Variants in BRD3 observed in about 807,000 individuals in gnomAD.
The protein encoded by BRD3 is bromodomain-containing protein 3.
A neutral mutation model predicts 66.8 loss-of-function variants in BRD3; 17 were observed. That is an observed-to-expected ratio of 0.25 (90% CI 0.17 to 0.38). The LOEUF is 0.38. Among genes scored for constraint, BRD3 ranks in the 10% least tolerant of loss-of-function variants. The pLI, the probability that BRD3 is intolerant of heterozygous loss-of-function variation, is 1.00. For synonymous variants in BRD3, 421 were observed against 393.2 expected (o/e 1.07, Z -0.84); for missense variants, 713 against 956.1 (o/e 0.75, Z 3.35).
At chr9:134,035,887 G>T in intron 10 of BRD3, 145 bp downstream of exon 10, 1 of 1,152,390 alleles carries the variant, frequency 8.7e-7, no homozygotes. Context: ...TATCCTCAGG[G>T]CATCTGTGGT....
chr9:134,061,528 G>C (rs1269012322), intron 1 of BRD3, among the ~76,000 whole-genome samples: 2 of 152,180 alleles, frequency 1.3e-5, no homozygotes, highest in Non-Finnish European at 2.9e-5. Flanking sequence ...AGGAAGCTAG[G>C]GGAGGCCTTT....
chr9:134,062,561 C>A (rs1390130698), intron 1 of BRD3, among the ~76,000 whole-genome samples: 1 of 152,184 alleles, frequency 6.6e-6, no homozygotes, highest in South Asian at 2.1e-4. Context: ...TGCCATGACG[C>A]CCCCACAGCC....
chr9:134,060,510 T>C (rs1037536473), intron 1 of BRD3, among the ~76,000 whole-genome samples: 1 of 152,020 alleles, frequency 6.6e-6, no homozygotes, highest in African/African-American at 2.4e-5. Context: ...GAGGATCACT[T>C]GAGCCTGGGA....
At chr9:134,050,674 C>G in intron 4 of BRD3, 86 bp from the exon 5 acceptor site, 1 of 1,123,876 alleles carries the variant, frequency 8.9e-7, no homozygotes, top group Admixed American at 2.1e-5. Context: ...AGCCAGAACA[C>G]GGGTACCAGC....
At position 134,032,659 on chromosome 9, in the gene BRD3, ATT is replaced by A. The variant is rs1843528706; in HGVS notation, c.*929_*930del. 1 of 226,064 alleles carries A rather than the reference ATT, an allele frequency of 4.4e-6. No individual in the cohort carries two copies. The highest frequency in any genetic ancestry group is 2.2e-5 in the African/African-American group (1 of 44,718). The allele number at this position is 226,064 out of a possible 1,614,324, so 14.0% of individuals were successfully genotyped here. ...TGCATTTCTTCTGCGGTTTTTTCTTATTTTCTTTTTTTTAAAAATGACCAATG... is the reference window on the plus strand; with the variant it reads ...TGCATTTCTTCTGCGGTTTTTTCTTATTCTTTTTTTTAAAAATGACCAATG... On this transcript the variant is annotated 3_prime_UTR_variant, in exon 12 of 12. Transcript: ENST00000303407.
In BRD3 at chr9:134,067,973, C is replaced by G. The variant is rs1830708575; in HGVS notation, c.-142G>C. 2 of 145,480 alleles carry G rather than the reference C, an allele frequency of 1.4e-5. No homozygotes were observed. The highest frequency in any genetic ancestry group is 3.8e-4 in the South Asian group (2 of 5,212). The allele number at this position is 145,480 out of a possible 1,614,324, so 9.0% of individuals were successfully genotyped here. A position where few individuals can be genotyped will look rare whatever the true frequency, so the allele number is the denominator to read the frequency against. On this transcript the variant is annotated 5_prime_UTR_variant, in exon 1 of 12. Coordinates refer to ENST00000303407, the MANE Select transcript of BRD3 (RefSeq NM_007371.4). Reference sequence around the variant, plus strand: ...GCCTCGCGGCTCCGGCGGCCGTCCCCTCCCGGCCCGCGCGGCCGGCTCCTC... The same window carrying G: ...GCCTCGCGGCTCCGGCGGCCGTCCCGTCCCGGCCCGCGCGGCCGGCTCCTC...
At chr9:134,046,935 C>G (rs775281573) in intron 6 of BRD3, among the ~76,000 whole-genome samples, 29 of 152,252 alleles carry the variant, frequency 1.9e-4, no homozygotes, top group Admixed American at 5.9e-4. Flanking sequence ...ACTGGAACCC[C>G]CCATGATGTT....
At position 134,033,755 on chromosome 9, in the gene BRD3, C is replaced by T. The variant is rs1843553298; in HGVS notation, c.2066-50G>A. On this transcript the variant is annotated intron_variant, in intron 11 of 11. Transcript: ENST00000303407. The surrounding 1 kb of genome is among the most constrained non-coding windows in gnomAD (Gnocchi z 5.1). ...GCGCTCGCACACCCGCTTCTTGACC[C>T]GCTTGGCGGCATGTCGTCCATGCCA... The T allele has an allele frequency of 8.8e-6, 6 of 680,610 alleles. No homozygotes were observed. Among genetic ancestry groups the T allele is most frequent in the East Asian group, 2.7e-5 (1 of 36,902 alleles). The allele number at this position is 680,610 out of a possible 1,614,324, so 42.2% of individuals were successfully genotyped here.
chr9:134,032,868 CT>C lies in BRD3; in HGVS notation c.*721del, dbSNP rs57529360. On this transcript the variant is annotated 3_prime_UTR_variant, in exon 12 of 12. Transcript: ENST00000303407. ...TTTTTTTTTTTTTAAATCTTTTCTT[CT>C]TTTTTTTTTTTTAAAGTTGAGGTAA... 83,020 of 222,892 alleles carry C rather than the reference CT, an allele frequency of 0.37. 10,624 individuals carry two copies. The highest frequency in any genetic ancestry group is 0.54 in the East Asian group (8,339 of 15,352). 13.8% of individuals were successfully genotyped at this position (222,892 alleles called of 1,614,324 possible). A position where few individuals can be genotyped will look rare whatever the true frequency, so the allele number is the denominator to read the frequency against.
chr9:134,040,200 C>CCTT lies in BRD3; in HGVS notation c.1474_1476dup (p.Lys492dup). On this transcript the variant is annotated inframe_insertion, in exon 9 of 12. Coordinates refer to ENST00000303407, the MANE Select transcript of BRD3 (RefSeq NM_007371.4). ...TTCTTCTTCTCCTTCTCCTTCTTCT[C>CCTT]CTTCTTCTTCTTTGGTTTGTTTACT... 2 of 1,578,042 alleles carry CCTT rather than the reference C, an allele frequency of 1.3e-6. No individual in the cohort carries two copies. Among genetic ancestry groups the CCTT allele is most frequent in the Non-Finnish European group, 1.7e-6 (2 of 1,162,092 alleles).
At chr9:134,061,499 C>A (rs1326638467) in intron 1 of BRD3, among the ~76,000 whole-genome samples, 4 of 152,176 alleles carry the variant, frequency 2.6e-5, no homozygotes, top group Admixed American at 2.6e-4. Flanking sequence ...AGCACTGGAA[C>A]CAAGGGTGGG....
intron 1 of BRD3, among the ~76,000 whole-genome samples, chr9:134,067,539 G>A (rs1258803465): frequency 6.8e-6 from 1 of 148,126 alleles, no homozygotes; most frequent in Non-Finnish European, 1.5e-5. Flanking sequence ...AAAGATGGCG[G>A]GCGGAGGAAA....
chr9:134,048,242 C>T lies in BRD3; in HGVS notation c.927G>A (p.Ser309=), dbSNP rs768506815. 18 of 1,611,876 alleles carry T rather than the reference C, an allele frequency of 1.1e-5. No homozygotes were observed. Among genetic ancestry groups the T allele is most frequent in the South Asian group, 2.2e-5 (2 of 90,972 alleles). ...TGCTGTCGCAGTAGCGTAGGTGCTC[C>T]GACAGCTTGCCCTTCTTGCCTGCGT... is the stretch of plus-strand genomic sequence containing the variant. ...PQHAGKKGKL[S]EHLRYCDSIL... is the part of the protein sequence containing the mutation. Residue 309 remains serine, a synonymous_variant, in exon 6 of 12, where the codon TCG becomes TCA. Transcript: ENST00000303407.
chr9:134,048,334 G>A lies in BRD3; in HGVS notation c.835C>T (p.Arg279Trp), dbSNP rs1408764409. The change falls in exon 6 of 12, where the codon CGG (arginine) becomes TGG (tryptophan). Residue 279 changes from arginine (R) to tryptophan (W), a missense_variant. Transcript: ENST00000303407. The part of the protein sequence containing the change: ...DPKQAKVVAR[R>W]ESGGRPIKPP... The stretch of plus-strand genomic sequence containing the variant: ...TTGATGGGGCGGCCACCACTCTCCC[G>A]CCGGGCCACCACTTTGGCCTGCTTG... The A allele has an allele frequency of 8.1e-6, 13 of 1,598,992 alleles. No individual in the cohort carries two copies. The highest frequency in any genetic ancestry group is 1.7e-5 in the Admixed American group (1 of 59,960).
intron 1 of BRD3, among the ~76,000 whole-genome samples, chr9:134,060,622 G>A (rs2810494): frequency 0.4 from 50,702 of 125,468 alleles, 9,080 homozygotes; most frequent in South Asian, 0.58. Context: ...ACACACACAC[G>A]ATCTGGAATG....
chr9:134,034,179 C>G (rs1843561781), intron 11 of BRD3, among the ~76,000 whole-genome samples: 1 of 152,228 alleles, frequency 6.6e-6, no homozygotes, highest in African/African-American at 2.4e-5. Context: ...CTACTGTCCC[C>G]CCCATATGTG....
intron 10 of BRD3, among the ~76,000 whole-genome samples, chr9:134,035,647 C>G (rs999139606): frequency 4.6e-5 from 7 of 152,226 alleles, no homozygotes; most frequent in Non-Finnish European, 1.0e-4. Context: ...GCCAAGGCCC[C>G]AAATGGAGGG....
chr9:134,051,890 T>TGTGTGTGTGTGTA (rs1564555926), intron 3 of BRD3, among the ~76,000 whole-genome samples, 181 bp from the exon 4 acceptor site: 1 of 89,886 alleles, frequency 1.1e-5, no homozygotes, highest in African/African-American at 6.3e-5. Flanking sequence ...GTTTTTTTTG[T>TGTGTGTGTGTGTA]TTTTTTTTTT....
rs901435075 is a variant in BRD3, at chr9:134,045,198, G to A, written c.1215+95C>T. On this transcript the variant is annotated intron_variant, in intron 7 of 11. Coordinates refer to ENST00000303407, the MANE Select transcript of BRD3 (RefSeq NM_007371.4). This position sits in a 1 kb window ranked among gnomAD's most constrained non-coding sequence, Gnocchi z 4.8. ...AATGAGGCTCTCTAAGGCCTTCCTC[G>A]GCTGGACATTCACCTGGGCGCTTAC... 27 of 1,522,634 alleles carry A rather than the reference G, an allele frequency of 1.8e-5. No homozygotes were observed. The highest frequency in any genetic ancestry group is 1.8e-4 in the Middle Eastern group (1 of 5,678). 94.3% of individuals were successfully genotyped at this position (1,522,634 alleles called of 1,614,324 possible).
Sources: allele counts gnomAD v4.1 joint callset (sites outside exome capture counted in the v4.1 genomes callset), GRCh38; gene constraint gnomAD v4.1.1; non-coding constraint Gnocchi (gnomAD v3.1); transcripts MANE v1.5; gene names NCBI Gene and HGNC (gene_info 2026-07-23, HGNC 2026-07-21).